The following SRFBP1 variants were observed in gnomAD, a reference collection of about 807,000 sequenced individuals.
The protein encoded by SRFBP1 is serum response factor-binding protein 1.
In SRFBP1, 47 loss-of-function variants were observed where a neutral mutation model predicts 45.5. The ratio of observed to expected loss-of-function variants is 1.03; its 90% confidence interval spans 0.82 to 1.32. SRFBP1 has a LOEUF of 1.32. SRFBP1 is among the 40% of genes most tolerant of loss of function. The probability of loss-of-function intolerance (pLI) is 0.00; values close to 1 mark genes in which losing one functional copy is unlikely to be tolerated. For synonymous variants in SRFBP1, 203 were observed against 166.3 expected (o/e 1.22, Z -1.70); for missense variants, 621 against 484.6 (o/e 1.28, Z -2.64).
chr5:122,034,608 A>G (rs1753657528), intron 2 of SRFBP1, among the ~76,000 whole-genome samples: 1 of 152,110 alleles, frequency 6.6e-6, no homozygotes. Flanking sequence ...ATCAGAACAT[A>G]CAGCACAAAA....
intron 2 of SRFBP1, among the ~76,000 whole-genome samples, chr5:122,040,083 C>G (rs372893287): frequency 8.5e-5 from 13 of 152,086 alleles, no homozygotes; most frequent in South Asian, 6.2e-4. Context: ...TATACCTTTT[C>G]TTTACAAATA....
intron 2 of SRFBP1, among the ~76,000 whole-genome samples, chr5:122,051,306 C>T (rs1753970172): frequency 6.6e-6 from 1 of 151,986 alleles, no homozygotes; most frequent in African/African-American, 2.4e-5. Context: ...CCCTGAATAT[C>T]TTTGTTATTT....
At chr5:122,053,695 G>C (rs1483295227) in intron 2 of SRFBP1, among the ~76,000 whole-genome samples, 1 of 151,928 alleles carries the variant, frequency 6.6e-6, no homozygotes, top group African/African-American at 2.4e-5. Flanking sequence ...GATGGGTGGA[G>C]TGTCATGCAC....
At chr5:121,981,802 A>C (rs1752413720) in intron 3 of SRFBP1, among the ~76,000 whole-genome samples, 2 of 151,940 alleles carry the variant, frequency 1.3e-5, no homozygotes, top group African/African-American at 4.8e-5. Context: ...TATTTCCGCT[A>C]TCATATGGTA....
At chr5:121,999,892 G>A (rs1461529886) in intron 4 of SRFBP1, among the ~76,000 whole-genome samples, 1 of 151,966 alleles carries the variant, frequency 6.6e-6, no homozygotes, top group Non-Finnish European at 1.5e-5. Context: ...TATCCAATCT[G>A]ATAATCTCTC....
At chr5:121,999,838 G>T (rs899605335) in intron 4 of SRFBP1, among the ~76,000 whole-genome samples, 1 of 151,814 alleles carries the variant, frequency 6.6e-6, no homozygotes, top group Non-Finnish European at 1.5e-5. Context: ...TGTACTTAAG[G>T]TGATTTTTAA....
rs753925484 is a variant in SRFBP1, at chr5:122,020,202, G to A, written c.467G>A (p.Ser156Asn). The A allele has an allele frequency of 1.2e-6, 2 of 1,612,714 alleles. No individual in the cohort carries two copies. Among genetic ancestry groups the A allele is most frequent in the Middle Eastern group, 1.7e-4 (1 of 6,054 alleles). ...ENTLYSNDNG[S>N]NLQREATVIS... Reference sequence around the variant, plus strand: ...ACTTTGTATTCAAATGATAATGGAAGTAATTTACAGCGTGAAGCAACTGTC... The same window carrying A: ...ACTTTGTATTCAAATGATAATGGAAATAATTTACAGCGTGAAGCAACTGTC... The change falls in exon 6 of 8, where the codon AGT (serine) becomes AAT (asparagine). Residue 156 changes from serine to asparagine, a missense_variant. Transcript: ENST00000339397.
intron 5 of SRFBP1, 78 bp downstream of exon 5, chr5:122,019,419 C>G (rs1753255861): frequency 9.1e-6 from 10 of 1,098,688 alleles, no homozygotes; most frequent in Non-Finnish European, 1.3e-5. Flanking sequence ...CTTATTTTAA[C>G]TCTTGAGGTT....
chr5:121,977,285 A>T (rs1219244172), intron 3 of SRFBP1, among the ~76,000 whole-genome samples: 1 of 151,876 alleles, frequency 6.6e-6, no homozygotes, highest in African/African-American at 2.4e-5. Flanking sequence ...CATAAAATTC[A>T]TAGTATATAT....
chr5:122,014,027 A>T (rs975642219), intron 4 of SRFBP1, among the ~76,000 whole-genome samples: 3 of 152,148 alleles, frequency 2.0e-5, no homozygotes, highest in African/African-American at 7.2e-5. Flanking sequence ...AAAAGAGAGG[A>T]TTTAAAATGT....
Position 121,994,588 on chromosome 5 carries a change from T to C in SRFBP1, c.199-11T>C. 6.3e-7 allele frequency: 1 copy of C among 1,576,924 alleles called. No homozygotes were observed. Among genetic ancestry groups the C allele is most frequent in the Non-Finnish European group, 8.6e-7 (1 of 1,157,920 alleles). On this transcript the variant is annotated splice_polypyrimidine_tract_variant and intron_variant, in intron 3 of 7. Transcript: ENST00000339397. ...ACATAACTAAAATTAATTTGTTTTATTCTTTCACAGGAATTGAAACCTGAC... is the reference window on the plus strand; with the variant it reads ...ACATAACTAAAATTAATTTGTTTTACTCTTTCACAGGAATTGAAACCTGAC...
chr5:121,998,956 G>A (rs149764026), intron 4 of SRFBP1, among the ~76,000 whole-genome samples: 1 of 151,976 alleles, frequency 6.6e-6, no homozygotes, highest in Non-Finnish European at 1.5e-5. Context: ...AACAGATTTT[G>A]TATTAATTGA....
intron 2 of SRFBP1, among the ~76,000 whole-genome samples, chr5:122,037,287 C>T (rs1753709672): frequency 6.6e-6 from 1 of 152,188 alleles, no homozygotes; most frequent in South Asian, 2.1e-4. Context: ...CATGCTCACA[C>T]TCTGCCTCTT....
chr5:122,061,037 AT>A (rs1462863011), intron 2 of SRFBP1, among the ~76,000 whole-genome samples: 1 of 152,108 alleles, frequency 6.6e-6, no homozygotes. Context: ...ATTCTAAAAA[AT>A]AATGTCAAAA....
intron 4 of SRFBP1, among the ~76,000 whole-genome samples, chr5:122,006,536 T>C (rs1266413019): frequency 6.6e-6 from 1 of 152,158 alleles, no homozygotes; most frequent in Non-Finnish European, 1.5e-5. Context: ...TTCAAACATT[T>C]GTTCTTTTGA....
At chr5:122,019,462 A>G in intron 5 of SRFBP1, 121 bp downstream of exon 5, 1 of 793,988 alleles carries the variant, frequency 1.3e-6, no homozygotes, top group South Asian at 2.2e-5. Flanking sequence ...TCAAATATTT[A>G]CCAGTGTGGA....
downstream of SRFBP1, among the ~76,000 whole-genome samples, chr5:122,029,206 A>C (rs931564026): frequency 6.6e-6 from 1 of 152,170 alleles, no homozygotes; most frequent in African/African-American, 2.4e-5. Context: ...ATACACACAC[A>C]AAAAAGAATT....
intron 2 of SRFBP1, chr5:122,073,916 G>T: frequency 9.0e-7 from 1 of 1,109,204 alleles, no homozygotes; most frequent in Non-Finnish European, 1.3e-6. Context: ...ATAAAAATGT[G>T]TGTGCTCTTC....
chr5:121,997,490 T>C (rs1462328723), intron 4 of SRFBP1, among the ~76,000 whole-genome samples: 5 of 151,920 alleles, frequency 3.3e-5, no homozygotes, highest in Non-Finnish European at 5.9e-5. Context: ...GGATCCCTTC[T>C]TTACACCTTA....
Sources: allele counts gnomAD v4.1 joint callset (sites outside exome capture counted in the v4.1 genomes callset), GRCh38; gene constraint gnomAD v4.1.1; transcripts MANE v1.5; gene names NCBI Gene and HGNC (gene_info 2026-07-23, HGNC 2026-07-21).